Variants in ARHGEF40 observed in about 807,000 individuals in gnomAD.
ARHGEF40 encodes Rho guanine nucleotide exchange factor 40.
In ARHGEF40, 98 loss-of-function variants were observed where a neutral mutation model predicts 165.9. That is an observed-to-expected ratio of 0.59 (90% CI 0.50 to 0.70). The LOEUF is 0.70. Among genes scored for constraint, ARHGEF40 ranks in the 30% least tolerant of loss-of-function variants. The probability of loss-of-function intolerance (pLI) is 0.00; values close to 1 mark genes in which losing one functional copy is unlikely to be tolerated. For missense variants in ARHGEF40, 1,815 were observed against 1,968.0 expected (o/e 0.92, Z 1.47); for synonymous variants, 792 against 814.3 (o/e 0.97, Z 0.47).
chr14:21,079,642 G>A (rs74036585), intron 11 of ARHGEF40, among the ~76,000 whole-genome samples: 2,216 of 152,254 alleles, frequency 0.015, 57 homozygotes, highest in African/African-American at 0.049. Flanking sequence ...CCTTAGCCCC[G>A]AGCATGGTGA....
At chr14:21,088,929 T>C in intron 23 of ARHGEF40, 53 bp downstream of exon 23, 3 of 1,565,992 alleles carry the variant, frequency 1.9e-6, no homozygotes, top group Non-Finnish European at 2.6e-6. Context: ...CCATCTTGCA[T>C]GTACCTTCCT....
At position 21,073,544 on chromosome 14, in the gene ARHGEF40, C is replaced by T. The variant is rs576945295; in HGVS notation, c.201+302C>T. Among the ~76,000 whole-genome samples the T allele has an allele frequency of 3.3e-5, 5 of 152,110 alleles. No individual in the cohort carries two copies. Among genetic ancestry groups the T allele is most frequent in the South Asian group, 4.1e-4 (2 of 4,822 alleles). ...CAGACCCAATTCCAGACATCTTCTC[C>T]CCCTCATATGAATTTCTCAAGACAC... is the stretch of plus-strand genomic sequence containing the variant. On this transcript the variant is annotated intron_variant, in intron 2 of 23. Transcript: ENST00000298694. This position sits in a 1 kb window ranked among gnomAD's most constrained non-coding sequence, Gnocchi z 4.6.
At chr14:21,062,948 T>TA in the ARHGEF40 span, among the ~76,000 whole-genome samples, 26,376 of 128,026 alleles carry the variant, frequency 0.21, 3,120 homozygotes, top group African/African-American at 0.36. Context: ...ACCTTGTCTC[T>TA]AAAAAAAAAA....
At position 21,087,989 on chromosome 14, in the gene ARHGEF40, C is replaced by T. The variant is rs1261456757; in HGVS notation, c.4409C>T (p.Ser1470Phe). The T allele has an allele frequency of 1.2e-6, 2 of 1,614,150 alleles. No homozygotes were observed. The highest frequency in any genetic ancestry group is 1.1e-5 in the South Asian group (1 of 91,086). Residue 1470 changes from serine to phenylalanine, a missense_variant, in exon 22 of 24, where the codon TCT becomes TTT. By Grantham distance (155) the Ser-to-Phe change is radical (BLOSUM62 -2). Transcript: ENST00000298694. ...TCAGCCCCAGAAACACTTGACTCTT[C>T]TGGAGATGTGTCCCCAGGACCAAGA... The part of the protein sequence containing the change: ...ISLAPETLDS[S>F]GDVSPGPRNS...
rs756234745 is a variant in ARHGEF40, at chr14:21,074,082, C to G, written c.352C>G (p.Arg118Gly). Residue 118 changes from arginine to glycine, a missense_variant, in exon 3 of 24, where the codon CGA (arginine) becomes GGA (glycine). Physicochemically the swap from Arg to Gly is moderately radical, Grantham distance 125 (BLOSUM62 -2). Transcript: ENST00000298694. This position sits in a 1 kb window ranked among gnomAD's most constrained non-coding sequence, Gnocchi z 4.8. ...QVVPSAAQAP[R>G]LALKCLAPGG... is the part of the protein sequence containing the mutation. ...GGTGCCCTCAGCTGCCCAAGCACCC[C>G]GACTAGCACTCAAGTGTCTGGCCCC... 6.2e-7 allele frequency: 1 copy of G among 1,614,138 alleles called. No individual in the cohort carries two copies. The highest frequency in any genetic ancestry group is 1.1e-5 in the South Asian group (1 of 91,084).
upstream of ARHGEF40, among the ~76,000 whole-genome samples, chr14:21,065,471 C>T (rs1886213420): frequency 6.6e-6 from 1 of 152,142 alleles, no homozygotes; most frequent in Admixed American, 6.5e-5. Context: ...TAGACAAGGT[C>T]CCTCATTTCA....
At chr14:21,066,542 G>T (rs1196767219), upstream of ARHGEF40, among the ~76,000 whole-genome samples, 1 of 152,144 alleles carries the variant, frequency 6.6e-6, no homozygotes, top group Non-Finnish European at 1.5e-5. Context: ...CCCCATGTTG[G>T]CCAGGATGGT....
intron 13 of ARHGEF40, 152 bp from the exon 14 acceptor site, chr14:21,081,357 T>A: frequency 8.9e-7 from 1 of 1,121,698 alleles, no homozygotes; most frequent in Non-Finnish European, 1.3e-6. Flanking sequence ...GTGACATGGT[T>A]AGGCAGTGAT....
intron 1 of ARHGEF40, among the ~76,000 whole-genome samples, chr14:21,071,691 T>G (rs991591049): frequency 2.0e-5 from 3 of 151,692 alleles, no homozygotes; most frequent in Non-Finnish European, 4.4e-5. Context: ...GGGTTGCAGC[T>G]GCCTCGCTGC....
chr14:21,069,006 T>C (rs1180803730), upstream of ARHGEF40, among the ~76,000 whole-genome samples: 1 of 152,118 alleles, frequency 6.6e-6, no homozygotes, highest in Non-Finnish European at 1.5e-5. Flanking sequence ...AGGCCAGACG[T>C]TTTCTCATCA....
intron 13 of ARHGEF40, 176 bp from the exon 14 acceptor site, chr14:21,081,333 C>A: frequency 1.1e-6 from 1 of 945,158 alleles, no homozygotes. Context: ...CTTCCATCTC[C>A]ATACCAACTC....
rs143043636 is a variant in ARHGEF40 at position 21,083,961 on chromosome 14, C to G, written c.3700C>G (p.Arg1234Gly). The G allele has an allele frequency of 6.2e-7, 1 of 1,613,714 alleles. No homozygotes were observed. The highest frequency in any genetic ancestry group is 1.3e-5 in the African/African-American group (1 of 74,932). The change falls in exon 17 of 24, where the codon CGG becomes GGG. Residue 1234 changes from arginine (R) to glycine (G), a missense_variant. Arg to Gly is a moderately radical substitution (Grantham distance 125). Transcript: ENST00000298694. Reference sequence around the variant, plus strand: ...TGGGCCTGAGCTCAGTTCTGAGTGCCGGGCCCTTGGGGCTGCTGTACAGCT... The same window carrying G: ...TGGGCCTGAGCTCAGTTCTGAGTGCGGGGCCCTTGGGGCTGCTGTACAGCT... The part of the protein sequence containing the change: ...EAGPELSSEC[R>G]ALGAAVQLLR...
At chr14:21,066,700 G>A (rs1239477420), upstream of ARHGEF40, among the ~76,000 whole-genome samples, 1 of 152,224 alleles carries the variant, frequency 6.6e-6, no homozygotes, top group African/African-American at 2.4e-5. Context: ...GAAGGTAAGA[G>A]TGGAACAGGC....
In ARHGEF40 at chr14:21,075,589, G is replaced by T; in HGVS notation, c.1619-56G>T. The T allele has an allele frequency of 6.2e-7, 1 of 1,613,928 alleles. No homozygotes were observed. The highest frequency in any genetic ancestry group is 1.7e-5 in the Admixed American group (1 of 60,026). Reference sequence around the variant, plus strand: ...GGGACTGGGGGAGGCAGGGTGGAAAGGAGGTAGGCATGGACTGCTCCCAGC... The same window carrying T: ...GGGACTGGGGGAGGCAGGGTGGAAATGAGGTAGGCATGGACTGCTCCCAGC... On this transcript the variant is annotated intron_variant, in intron 4 of 23. Transcript: ENST00000298694. The surrounding 1 kb of genome is among the most constrained non-coding windows in gnomAD (Gnocchi z 4.5).
At chr14:21,083,376 T>C (rs1195823542) in intron 16 of ARHGEF40, among the ~76,000 whole-genome samples, 1 of 143,930 alleles carries the variant, frequency 6.9e-6, no homozygotes, top group Non-Finnish European at 1.5e-5. Context: ...CCATCTCTAC[T>C]AGAAATACAA....
In ARHGEF40 at chr14:21,070,455, G is replaced by T; in HGVS notation, c.3+56G>T. 7.4e-7 allele frequency: 1 copy of T among 1,348,126 alleles called. No individual in the cohort carries two copies. Among genetic ancestry groups the T allele is most frequent in the Admixed American group, 3.8e-5 (1 of 26,022 alleles). The allele number at this position is 1,348,126 out of a possible 1,614,324, so 83.5% of individuals were successfully genotyped here. The stretch of plus-strand genomic sequence containing the variant: ...CCTCGGCCTTCGCGCAGCCCGCTCC[G>T]GGCCCCCAAGTCCTCAGCCTGGTGC... On this transcript the variant is annotated intron_variant, in intron 1 of 23. Transcript: ENST00000298694. The surrounding 1 kb of genome is among the most constrained non-coding windows in gnomAD (Gnocchi z 4.7).
intron 22 of ARHGEF40, 42 bp from the exon 23 acceptor site, chr14:21,088,788 A>T (rs756411968): frequency 2.2e-5 from 33 of 1,532,732 alleles, no homozygotes; most frequent in Admixed American, 7.9e-5. Flanking sequence ...GAGAAAGACA[A>T]GAAATATGTC....
Position 21,073,799 on chromosome 14 carries a change from C to T in ARHGEF40, c.202-133C>T. 1 of 1,038,544 alleles carries T rather than the reference C, an allele frequency of 9.6e-7. No homozygotes were observed. The highest frequency in any genetic ancestry group is 1.4e-6 in the Non-Finnish European group (1 of 727,612). The allele number at this position is 1,038,544 out of a possible 1,614,324, so 64.3% of individuals were successfully genotyped here. On this transcript the variant is annotated intron_variant, in intron 2 of 23. Transcript: ENST00000298694. This position sits in a 1 kb window ranked among gnomAD's most constrained non-coding sequence, Gnocchi z 4.6. ...TGCCACCTGAATACCCCAAATCTCC[C>T]CTCCTGCTCTCCTGAGAGTATAACC...
At position 21,088,838 on chromosome 14, in the gene ARHGEF40, T is replaced by A; in HGVS notation, c.4527T>A (p.Ala1509=). The A allele has an allele frequency of 6.2e-7, 1 of 1,613,226 alleles. No homozygotes were observed. Among genetic ancestry groups the A allele is most frequent in the East Asian group, 2.2e-5 (1 of 44,840 alleles). ...GILGLSRQSH[A]RALSDPTTPL is the part of the protein sequence containing the mutation. The stretch of plus-strand genomic sequence containing the variant: ...AGCTTCTCTCCCCCCAGAGTCATGC[T>A]CGAGCCCTGAGTGACCCCACCACGC... Residue 1509 remains alanine (A), a synonymous_variant, in exon 23 of 24, where the codon GCT becomes GCA. Transcript: ENST00000298694.
Sources: allele counts gnomAD v4.1 joint callset (sites outside exome capture counted in the v4.1 genomes callset), GRCh38; gene constraint gnomAD v4.1.1; non-coding constraint Gnocchi (gnomAD v3.1); transcripts MANE v1.5; gene names NCBI Gene and HGNC (gene_info 2026-07-23, HGNC 2026-07-21).